The following PARD3B variants were observed in gnomAD, a reference collection of about 807,000 sequenced individuals.
PARD3B encodes par-3 family cell polarity regulator beta, also known as partitioning defective 3 homolog B.
A neutral mutation model predicts 130.2 loss-of-function variants in PARD3B; 103 were observed. That is an observed-to-expected ratio of 0.79 (90% CI 0.67 to 0.93). PARD3B has a LOEUF of 0.93. Ranked by LOEUF, PARD3B falls within the 40% of genes least tolerant of loss-of-function variation. The pLI is 0.00. For missense variants in PARD3B, 1,609 were observed against 1,499.2 expected (o/e 1.07, Z -1.21); for synonymous variants, 583 against 553.2 (o/e 1.05, Z -0.76).
At chr2:205,008,383 T>A (rs1051482760) in intron 3 of PARD3B, among the ~76,000 whole-genome samples, 3 of 152,156 alleles carry the variant, frequency 2.0e-5, no homozygotes, top group Non-Finnish European at 4.4e-5. Context: ...AACATAACTA[T>A]TTTATTGAAG....
intron 18 of PARD3B, among the ~76,000 whole-genome samples, chr2:205,380,274 TATAATATATAAA>T (rs2045284302): frequency 6.5e-5 from 2 of 30,650 alleles, no homozygotes; most frequent in African/African-American, 2.2e-4. Flanking sequence ...ATATATATTA[TATAATATATAAA>T]GAATATATAT....
At chr2:205,418,359 G>T (rs2046852692) in intron 19 of PARD3B, among the ~76,000 whole-genome samples, 1 of 152,052 alleles carries the variant, frequency 6.6e-6, no homozygotes, top group Admixed American at 6.6e-5. Flanking sequence ...GAGCATCTAG[G>T]CACATGAGGG....
At chr2:205,522,317 T>C (rs1236122299) in intron 21 of PARD3B, among the ~76,000 whole-genome samples, 603 of 150,828 alleles carry the variant, frequency 4.0e-3, no homozygotes, top group African/African-American at 0.014. Context: ...TATTAAAGAC[T>C]TTATTTTTCC....
chr2:205,246,636 G>T (rs546609308), intron 16 of PARD3B, among the ~76,000 whole-genome samples: 2 of 152,178 alleles, frequency 1.3e-5, no homozygotes, highest in South Asian at 4.2e-4. Flanking sequence ...TCCCTCCATT[G>T]GTGAAACAAA....
chr2:205,073,608 T>G (rs1042933419), intron 4 of PARD3B, among the ~76,000 whole-genome samples: 3 of 152,168 alleles, frequency 2.0e-5, no homozygotes, highest in Admixed American at 1.3e-4. Context: ...CCCAGACTCT[T>G]TCTGTTTTCT....
At chr2:205,026,430 G>A (rs191540214) in intron 3 of PARD3B, among the ~76,000 whole-genome samples, 2 of 152,220 alleles carry the variant, frequency 1.3e-5, no homozygotes, top group Non-Finnish European at 1.5e-5. Context: ...AATTATACAT[G>A]TACAGGGTGA....
At chr2:205,255,150 C>T (rs914990479) in intron 16 of PARD3B, among the ~76,000 whole-genome samples, 2 of 151,876 alleles carry the variant, frequency 1.3e-5, no homozygotes, top group African/African-American at 4.8e-5. Flanking sequence ...CTCTTGAAGA[C>T]GCACCTCCCA....
intron 3 of PARD3B, among the ~76,000 whole-genome samples, chr2:205,016,914 A>G (rs114881177): frequency 6.6e-6 from 1 of 152,330 alleles, no homozygotes; most frequent in African/African-American, 2.4e-5. Flanking sequence ...TAAAACTTGT[A>G]TATGGTTAAC....
At chr2:205,466,032 G>A (rs1234195212) in intron 20 of PARD3B, among the ~76,000 whole-genome samples, 4 of 152,094 alleles carry the variant, frequency 2.6e-5, no homozygotes, top group Non-Finnish European at 4.4e-5. Context: ...CGTTTCAAAC[G>A]GATGCATTCA....
At chr2:205,208,906 C>T (rs1288082578) in intron 15 of PARD3B, among the ~76,000 whole-genome samples, 18 of 135,904 alleles carry the variant, frequency 1.3e-4, no homozygotes, top group African/African-American at 2.7e-4. Context: ...GAGCCTGCAT[C>T]GCCAAGTCAA....
intron 18 of PARD3B, among the ~76,000 whole-genome samples, chr2:205,381,193 ATT>A (rs2045427214): frequency 2.5e-5 from 3 of 120,934 alleles, no homozygotes; most frequent in South Asian, 2.3e-4. Context: ...AAGAATATAT[ATT>A]ATATATAATA....
chr2:205,506,331 C>CA (rs113594623), intron 21 of PARD3B, among the ~76,000 whole-genome samples: 50 of 114,388 alleles, frequency 4.4e-4, no homozygotes, highest in African/African-American at 1.5e-3. Context: ...GACTCTGTCT[C>CA]AAAAAAAACA....
intron 2 of PARD3B, among the ~76,000 whole-genome samples, chr2:204,833,409 G>A (rs1444093227): frequency 6.6e-6 from 1 of 152,062 alleles, no homozygotes; most frequent in Non-Finnish European, 1.5e-5. Flanking sequence ...ATCAATATTG[G>A]TGGTGGTTTA....
chr2:204,878,907 A>C (rs981571336), intron 2 of PARD3B, among the ~76,000 whole-genome samples: 1 of 152,170 alleles, frequency 6.6e-6, no homozygotes, highest in East Asian at 1.9e-4. Flanking sequence ...TGAAGCATAC[A>C]GTAGTTATGT....
intron 2 of PARD3B, among the ~76,000 whole-genome samples, chr2:204,782,682 G>A (rs2041881367): frequency 6.6e-6 from 1 of 151,768 alleles, no homozygotes. Flanking sequence ...ATATAAAAAT[G>A]AAATTCAGTG....
chr2:205,503,466 A>G (rs1323478871), intron 21 of PARD3B, among the ~76,000 whole-genome samples: 2 of 151,020 alleles, frequency 1.3e-5, no homozygotes, highest in Non-Finnish European at 2.9e-5. Flanking sequence ...AGATCTCCTG[A>G]TTTATTCGCT....
Position 205,465,399 on chromosome 2 carries a change from G to T in PARD3B, c.3044+24727G>T, listed in dbSNP as rs77259298. ...TTATCAGGTGAGCCAGGATTTGTAC[G>T]CCTGAATAAAGAGCCTAGACGTTTA... On this transcript the variant is annotated intron_variant, in intron 20 of 22. Coordinates refer to ENST00000406610, the MANE Select transcript of PARD3B (RefSeq NM_001302769.2). Among the ~76,000 whole-genome samples, 1,090 of 152,252 alleles carry T rather than the reference G, an allele frequency of 7.2e-3. 13 individuals carry two copies. Among genetic ancestry groups the T allele is most frequent in the Non-Finnish European group, 6.7e-3 (454 of 68,014 alleles).
intron 18 of PARD3B, among the ~76,000 whole-genome samples, chr2:205,302,444 G>T (rs2042045545): frequency 6.6e-6 from 1 of 152,156 alleles, no homozygotes; most frequent in Non-Finnish European, 1.5e-5. Flanking sequence ...CCAGAGCATG[G>T]CTTGATCCCA....
intron 2 of PARD3B, among the ~76,000 whole-genome samples, chr2:204,917,940 T>C (rs575030405): frequency 6.6e-6 from 1 of 152,232 alleles, no homozygotes; most frequent in South Asian, 2.1e-4. Context: ...ATTTGCAGTT[T>C]GGAATAGTGA....
Sources: gnomAD v4.1 joint callset for allele counts (sites outside exome capture counted in the v4.1 genomes callset) on GRCh38, gnomAD v4.1.1 for gene constraint, MANE v1.5 for transcripts, NCBI Gene and HGNC (gene_info 2026-07-23, HGNC 2026-07-21) for gene names.